The following LYN variants were observed in gnomAD, a reference collection of about 807,000 sequenced individuals.
LYN encodes the protein tyrosine-protein kinase Lyn.
LYN carries 12 observed loss-of-function variants against 65.0 expected under a neutral mutation model. The observed-to-expected ratio is 0.18, with a 90% CI of 0.12 to 0.30. The LOEUF is 0.30. LYN is among the 10% of genes least tolerant of loss of function. The probability of loss-of-function intolerance (pLI) is 1.00; values close to 1 mark genes in which losing one functional copy is unlikely to be tolerated. For missense variants in LYN, 380 were observed against 623.2 expected (o/e 0.61, Z 4.16); for synonymous variants, 222 against 221.2 (o/e 1.00, Z -0.03).
intron 1 of LYN, among the ~76,000 whole-genome samples, chr8:55,912,086 GA>G (rs1222035671): frequency 6.6e-6 from 1 of 152,140 alleles, no homozygotes; most frequent in Non-Finnish European, 1.5e-5. Context: ...AGCACAGTGT[GA>G]CTGGGGCAAG....
chr8:55,885,899 G>A (rs1563493280), intron 1 of LYN, among the ~76,000 whole-genome samples: 1 of 151,908 alleles, frequency 6.6e-6, no homozygotes, highest in African/African-American at 2.4e-5. Flanking sequence ...CGTTTTCCTC[G>A]GGGTTCTTTC....
intron 10 of LYN, among the ~76,000 whole-genome samples, chr8:55,973,701 A>G (rs145145640): frequency 7.9e-5 from 12 of 152,346 alleles, no homozygotes; most frequent in African/African-American, 2.9e-4. Context: ...GAATCAAAGC[A>G]TTTATTACTC....
At chr8:55,988,791 G>A (rs756842261) in intron 10 of LYN, among the ~76,000 whole-genome samples, 1 of 151,888 alleles carries the variant, frequency 6.6e-6, no homozygotes, top group East Asian at 1.9e-4. Flanking sequence ...CTTTGCTTGA[G>A]AGATCACATT....
intron 1 of LYN, among the ~76,000 whole-genome samples, chr8:55,881,906 T>G (rs1804663138): frequency 6.6e-6 from 1 of 152,198 alleles, no homozygotes. Flanking sequence ...CGAGATTACT[T>G]GGAAGAAGGA....
intron 9 of LYN, among the ~76,000 whole-genome samples, chr8:55,968,045 T>C (rs1022691138): frequency 1.3e-5 from 2 of 152,160 alleles, no homozygotes; most frequent in Non-Finnish European, 2.9e-5. Context: ...TATCAGTCAC[T>C]CAGAGTCTTT....
intron 1 of LYN, among the ~76,000 whole-genome samples, chr8:55,880,610 C>G (rs1359375497): frequency 6.6e-6 from 1 of 152,192 alleles, no homozygotes; most frequent in Non-Finnish European, 1.5e-5. Flanking sequence ...TCGGCCGGCG[C>G]CCTCTCGAGG....
intron 1 of LYN, among the ~76,000 whole-genome samples, chr8:55,919,209 A>C (rs892958812): frequency 6.6e-6 from 1 of 152,164 alleles, no homozygotes; most frequent in African/African-American, 2.4e-5. Context: ...TAAAGGAAAT[A>C]GGAAAAGTGA....
chr8:56,001,990 A>G (rs1041489874), intron 12 of LYN, among the ~76,000 whole-genome samples: 1 of 152,156 alleles, frequency 6.6e-6, no homozygotes, highest in Non-Finnish European at 1.5e-5. Context: ...ATTTTTTGAA[A>G]AAAGAACTGG....
intron 11 of LYN, 51 bp downstream of exon 11, chr8:55,998,550 T>G: frequency 6.5e-7 from 1 of 1,547,266 alleles, no homozygotes; most frequent in Non-Finnish European, 8.9e-7. Flanking sequence ...TTTTATTTTG[T>G]TTTTGTCTGT....
intron 7 of LYN, 84 bp from the exon 8 acceptor site, chr8:55,953,748 G>GCTC (rs112090436): frequency 0.048 from 61,991 of 1,280,630 alleles, 5,558 homozygotes; most frequent in African/African-American, 0.38. Context: ...ACACTATAAG[G>GCTC]CTAGTGTTCA....
chr8:55,966,528 C>A (rs1457563513), intron 8 of LYN, among the ~76,000 whole-genome samples, 187 bp from the exon 9 acceptor site: 1 of 152,024 alleles, frequency 6.6e-6, no homozygotes, highest in Admixed American at 6.6e-5. Context: ...CCACCACACC[C>A]AGCTAATTTT....
intron 1 of LYN, among the ~76,000 whole-genome samples, chr8:55,903,009 C>G (rs1452043392): frequency 6.6e-6 from 1 of 152,128 alleles, no homozygotes; most frequent in Admixed American, 6.6e-5. Context: ...CCACCACACC[C>G]AGCTAATTTT....
intron 10 of LYN, among the ~76,000 whole-genome samples, chr8:55,972,027 G>A (rs1232983218): frequency 1.3e-5 from 2 of 152,142 alleles, no homozygotes; most frequent in Non-Finnish European, 2.9e-5. Context: ...ATCAAGGTCG[G>A]CACCAGTGGT....
At chr8:55,941,430 C>G (rs1190597497) in intron 1 of LYN, among the ~76,000 whole-genome samples, 2 of 152,158 alleles carry the variant, frequency 1.3e-5, no homozygotes, top group African/African-American at 4.8e-5. Context: ...GTTTCTTCTT[C>G]CTGGAATCTC....
chr8:55,923,295 AG>A (rs1464954362), intron 1 of LYN, among the ~76,000 whole-genome samples: 1 of 152,184 alleles, frequency 6.6e-6, no homozygotes, highest in Non-Finnish European at 1.5e-5. Context: ...GAGATAAAGC[AG>A]GTGGGTCCCG....
Position 55,933,255 on chromosome 8 carries a change from A to T in LYN, c.-5-8600A>T, listed in dbSNP as rs556859659. Reference sequence around the variant, plus strand: ...TACGTAAATCTGAAATAATTAAAAGATACCAATTTTGGTGAACTGATCATC... The same window carrying T: ...TACGTAAATCTGAAATAATTAAAAGTTACCAATTTTGGTGAACTGATCATC... On this transcript the variant is annotated intron_variant, in intron 1 of 12. Transcript: ENST00000519728. Among the ~76,000 whole-genome samples the T allele has an allele frequency of 4.6e-5, 7 of 152,386 alleles. No individual in the cohort carries two copies. The South Asian group carries it at 1.2e-3, about 27-fold the overall frequency.
intron 1 of LYN, among the ~76,000 whole-genome samples, chr8:55,908,103 C>T (rs993283484): frequency 6.6e-5 from 10 of 152,024 alleles, no homozygotes; most frequent in African/African-American, 2.2e-4. Flanking sequence ...TCACACTGCT[C>T]GTTAGCCATA....
intron 1 of LYN, among the ~76,000 whole-genome samples, chr8:55,919,020 T>TAGAAAAA (rs1299093129): frequency 2.2e-3 from 42 of 18,746 alleles, no homozygotes; most frequent in African/African-American, 7.9e-3. Flanking sequence ...ACCCTGTCTC[T>TAGAAAAA]ACAAAAAAAA....
intron 10 of LYN, among the ~76,000 whole-genome samples, chr8:55,986,793 A>T (rs559204990): frequency 1.4e-4 from 22 of 152,292 alleles, no homozygotes; most frequent in African/African-American, 5.3e-4. Context: ...TGATGTGATC[A>T]TACCTCACTG....
Sources: gnomAD v4.1 joint callset for allele counts (sites outside exome capture counted in the v4.1 genomes callset) on GRCh38, gnomAD v4.1.1 for gene constraint, MANE v1.5 for transcripts, NCBI Gene and HGNC (gene_info 2026-07-23, HGNC 2026-07-21) for gene names.